RHBDD1: variants seen among roughly 807,000 people sequenced by gnomAD.
RHBDD1 encodes the protein rhomboid-related protein 4.
In RHBDD1, 38 loss-of-function variants were observed where a neutral mutation model predicts 36.3. That is an observed-to-expected ratio of 1.05 (90% CI 0.81 to 1.37). The LOEUF (loss-of-function observed/expected upper bound fraction) is 1.37, where lower values mean the gene tolerates loss of function less well. Among genes scored for constraint, RHBDD1 ranks in the 40% most tolerant of loss-of-function variants. The pLI is 0.00. For synonymous variants in RHBDD1, 151 were observed against 136.5 expected (o/e 1.11, Z -0.74); for missense variants, 393 against 377.6 (o/e 1.04, Z -0.34).
upstream of RHBDD1, among the ~76,000 whole-genome samples, chr2:226,832,997 A>G (rs1940780188): frequency 6.6e-6 from 1 of 152,202 alleles, no homozygotes; most frequent in Non-Finnish European, 1.5e-5. Context: ...AAGAAAAAAG[A>G]AAAAGAAATT....
intron 8 of RHBDD1, among the ~76,000 whole-genome samples, chr2:226,923,619 T>C (rs1382233060): frequency 2.0e-5 from 3 of 151,978 alleles, no homozygotes; most frequent in Admixed American, 2.0e-4. Flanking sequence ...CTTCTATCCC[T>C]CTCTCTCTCC....
chr2:226,906,705 A>G lies in RHBDD1; in HGVS notation c.567-88A>G, dbSNP rs1347760038. The stretch of plus-strand genomic sequence containing the variant: ...GGAACAAAGCCTGCAGACTGTGACT[A>G]TTTGACATGCACTGGGCTAATGAGA... On this transcript the variant is annotated intron_variant, in intron 5 of 8. Coordinates refer to ENST00000392062, the MANE Select transcript of RHBDD1 (RefSeq NM_001167608.3). 4 of 1,603,612 alleles carry G rather than the reference A, an allele frequency of 2.5e-6. No homozygotes were observed. In the Admixed American group the frequency reaches 5.1e-5, roughly 20 times the overall value.
At chr2:226,929,799 T>C (rs1457240827) in intron 8 of RHBDD1, among the ~76,000 whole-genome samples, 1 of 151,982 alleles carries the variant, frequency 6.6e-6, no homozygotes, top group East Asian at 1.9e-4. Flanking sequence ...AGTAAAGTCT[T>C]AGGTTATAAA....
chr2:226,826,908 G>T, the RHBDD1 span, among the ~76,000 whole-genome samples: 6 of 152,106 alleles, frequency 3.9e-5, no homozygotes, highest in African/African-American at 7.2e-5. Flanking sequence ...AAGAGTCAAA[G>T]AAAAGATCAT....
chr2:226,861,379 A>C (rs928218547), intron 3 of RHBDD1, among the ~76,000 whole-genome samples: 1 of 152,186 alleles, frequency 6.6e-6, no homozygotes, highest in African/African-American at 2.4e-5. Context: ...AGGGATGCAG[A>C]CAGAAAGACA....
the RHBDD1 span, among the ~76,000 whole-genome samples, chr2:226,803,237 T>TA: frequency 1.3e-5 from 2 of 152,042 alleles, no homozygotes; most frequent in South Asian, 2.1e-4. Flanking sequence ...ATGAAATAGA[T>TA]AAAAAGACAG....
At chr2:226,933,766 A>G (rs1950173305) in intron 8 of RHBDD1, among the ~76,000 whole-genome samples, 1 of 152,154 alleles carries the variant, frequency 6.6e-6, no homozygotes, top group Admixed American at 6.5e-5. Flanking sequence ...TAAGGATGAA[A>G]GTGATGCCCT....
At chr2:226,928,750 C>T (rs979973060) in intron 8 of RHBDD1, among the ~76,000 whole-genome samples, 29 of 151,768 alleles carry the variant, frequency 1.9e-4, no homozygotes, top group Admixed American at 1.6e-3. Context: ...AATCATAGAC[C>T]GTTAGCTATC....
At position 226,995,698 on chromosome 2, in the gene RHBDD1, T is replaced by C; in HGVS notation, c.*176T>C. The C allele has an allele frequency of 3.3e-6, 2 of 604,772 alleles. No individual in the cohort carries two copies. The highest frequency in any genetic ancestry group is 4.2e-5 in the South Asian group (2 of 47,674). The allele number at this position is 604,772 out of a possible 1,614,324, so 37.5% of individuals were successfully genotyped here. ...TGGCCCCTATGAGTCAACTCACAGCTTGCGGGGAGTGGGCCTTCTCCTGGC... is the reference window on the plus strand; with the variant it reads ...TGGCCCCTATGAGTCAACTCACAGCCTGCGGGGAGTGGGCCTTCTCCTGGC... On this transcript the variant is annotated 3_prime_UTR_variant, in exon 9 of 9. Transcript: ENST00000392062.
At chr2:226,912,053 G>A (rs1326770178) in intron 7 of RHBDD1, among the ~76,000 whole-genome samples, 1 of 152,006 alleles carries the variant, frequency 6.6e-6, no homozygotes, top group Non-Finnish European at 1.5e-5. Context: ...ACTGAGAATG[G>A]ACAAAAGATC....
rs10559846 is a variant in RHBDD1, at chr2:226,908,582, TACACACACACACACACACACACACAC to T, written c.656-226_656-201del. ...TGTAAATTAGGGTTTCATTTTCCAC[TACACACACACACACACACACACACAC>T]ACACACACACACATTCTTTTCCCTG... On this transcript the variant is annotated intron_variant, in intron 6 of 8. Transcript: ENST00000392062. The T allele has an allele frequency of 2.0e-5, 7 of 345,766 alleles. No individual in the cohort carries two copies. The East Asian group carries it at 2.8e-4, about 14-fold the overall frequency. 21.4% of individuals were successfully genotyped at this position (345,766 alleles called of 1,614,324 possible).
At chr2:226,872,832 G>T (rs1339862618) in intron 5 of RHBDD1, among the ~76,000 whole-genome samples, 1 of 152,110 alleles carries the variant, frequency 6.6e-6, no homozygotes, top group East Asian at 1.9e-4. Context: ...ATATAATTTT[G>T]TTTGAGAATT....
At chr2:226,836,505 C>G (rs1274617789) in intron 1 of RHBDD1, among the ~76,000 whole-genome samples, 1 of 152,216 alleles carries the variant, frequency 6.6e-6, no homozygotes, top group Non-Finnish European at 1.5e-5. Context: ...TTTCTCAGAA[C>G]AAGTCTAAGC....
At chr2:226,869,837 G>A (rs1944640539) in intron 5 of RHBDD1, among the ~76,000 whole-genome samples, 1 of 152,166 alleles carries the variant, frequency 6.6e-6, no homozygotes, top group African/African-American at 2.4e-5. Context: ...ACCCTGATAG[G>A]TGATAGTGTC....
intron 5 of RHBDD1, among the ~76,000 whole-genome samples, chr2:226,874,774 G>A (rs1945082194): frequency 1.3e-5 from 2 of 152,142 alleles, no homozygotes; most frequent in Admixed American, 1.3e-4. Flanking sequence ...GGATGTAGAT[G>A]TCTTTTGGGG....
chr2:226,857,370 A>C (rs1324240360), intron 3 of RHBDD1, among the ~76,000 whole-genome samples: 1 of 152,086 alleles, frequency 6.6e-6, no homozygotes, highest in Non-Finnish European at 1.5e-5. Context: ...TTTGGAAAAA[A>C]TTTCACAGTT....
chr2:226,805,761 T>C, the RHBDD1 span, among the ~76,000 whole-genome samples: 2 of 152,246 alleles, frequency 1.3e-5, no homozygotes, highest in Non-Finnish European at 2.9e-5. Flanking sequence ...TGAATTTCAG[T>C]AATGATGAAT....
At chr2:226,980,577 C>G (rs1313504246) in intron 8 of RHBDD1, among the ~76,000 whole-genome samples, 3 of 152,178 alleles carry the variant, frequency 2.0e-5, no homozygotes, top group African/African-American at 7.2e-5. Flanking sequence ...TGATGTCATC[C>G]TGGATGCATC....
intron 3 of RHBDD1, among the ~76,000 whole-genome samples, chr2:226,845,801 ATAAT>A (rs992067893): frequency 6.6e-6 from 1 of 152,248 alleles, no homozygotes; most frequent in African/African-American, 2.4e-5. Context: ...TAGGTGAAAA[ATAAT>A]TAAATGCTTT....
Sources: gnomAD v4.1 joint callset for allele counts (sites outside exome capture counted in the v4.1 genomes callset) on GRCh38, gnomAD v4.1.1 for gene constraint, MANE v1.5 for transcripts, NCBI Gene and HGNC (gene_info 2026-07-23, HGNC 2026-07-21) for gene names.